Variants in CDH18 observed in about 807,000 individuals in gnomAD.
The protein encoded by CDH18 is cadherin 18, also known as cadherin-18.
CDH18 carries 31 observed loss-of-function variants against 67.9 expected under a neutral mutation model. The ratio of observed to expected loss-of-function variants is 0.46; its 90% CI spans 0.34 to 0.62. CDH18 has a LOEUF of 0.62. Ranked by LOEUF, CDH18 falls within the 20% of genes least tolerant of loss-of-function variation. The probability of loss-of-function intolerance (pLI) is 0.01; values close to 1 mark genes in which losing one functional copy is unlikely to be tolerated. For synonymous variants in CDH18, 362 were observed against 347.2 expected (o/e 1.04, Z -0.48); for missense variants, 890 against 975.5 (o/e 0.91, Z 1.17).
intron 1 of CDH18, among the ~76,000 whole-genome samples, chr5:20,416,158 G>T (rs760747213): frequency 2.6e-5 from 4 of 152,052 alleles, no homozygotes; most frequent in Non-Finnish European, 4.4e-5. Context: ...CAATAAAAAT[G>T]ATTAAATTCT....
intron 2 of CDH18, among the ~76,000 whole-genome samples, chr5:19,994,855 T>TATATATATATAGAGAGAGAGAGAGAGAG (rs760777430): frequency 1.5e-5 from 1 of 67,586 alleles, no homozygotes; most frequent in African/African-American, 7.4e-5. Flanking sequence ...TATATATATA[T>TATATATATATAGAGAGAGAGAGAGAGAG]AGAGAGAGAG....
intron 5 of CDH18, among the ~76,000 whole-genome samples, chr5:19,719,822 C>G (rs545904767): frequency 6.7e-6 from 1 of 149,598 alleles, no homozygotes; most frequent in East Asian, 2.0e-4. Flanking sequence ...TATATATGTT[C>G]TACGTTGTTT....
At chr5:20,478,514 T>G (rs1386350836) in intron 1 of CDH18, among the ~76,000 whole-genome samples, 1 of 151,544 alleles carries the variant, frequency 6.6e-6, no homozygotes, top group Admixed American at 6.6e-5. Context: ...GATAAAATCC[T>G]TCTGCATGAG....
intron 2 of CDH18, among the ~76,000 whole-genome samples, chr5:20,174,856 TTG>T (rs1305284797): frequency 6.6e-6 from 1 of 152,186 alleles, no homozygotes; most frequent in Middle Eastern, 3.2e-3. Flanking sequence ...CATATTTTTA[TTG>T]TGTTTTTACA....
chr5:20,400,634 C>T (rs369847173), intron 1 of CDH18, among the ~76,000 whole-genome samples: 11 of 150,372 alleles, frequency 7.3e-5, no homozygotes, highest in African/African-American at 1.5e-4. Flanking sequence ...TGGTGGCACA[C>T]GCCTGTAATC....
intron 1 of CDH18, among the ~76,000 whole-genome samples, chr5:20,353,856 A>C (rs528342921): frequency 1.2e-4 from 18 of 152,290 alleles, no homozygotes; most frequent in Admixed American, 3.9e-4. Context: ...TGAAGAATGG[A>C]AAGGAAACTA....
intron 1 of CDH18, among the ~76,000 whole-genome samples, chr5:20,418,583 T>G (rs1747547821): frequency 6.6e-6 from 1 of 152,002 alleles, no homozygotes; most frequent in Admixed American, 6.6e-5. Flanking sequence ...TATAGGTGGG[T>G]TTTTCAATTT....
chr5:19,973,680 C>G (rs1798237129), intron 2 of CDH18, among the ~76,000 whole-genome samples: 1 of 151,962 alleles, frequency 6.6e-6, no homozygotes, highest in Non-Finnish European at 1.5e-5. Flanking sequence ...AGAAGCTTAC[C>G]ATAAAAAATA....
chr5:19,607,689 C>T (rs1162277446), intron 6 of CDH18, among the ~76,000 whole-genome samples: 1 of 151,252 alleles, frequency 6.6e-6, no homozygotes, highest in South Asian at 2.1e-4. Context: ...ATTATAATGT[C>T]ATTTTAAACT....
chr5:20,376,091 A>ATTTTTTTTTTTTTTTTTTTTTGTTT (rs562655039), intron 1 of CDH18, among the ~76,000 whole-genome samples: 1 of 49,748 alleles, frequency 2.0e-5, no homozygotes, highest in African/African-American at 6.2e-5. Context: ...AAAAGAAACA[A>ATTTTTTTTTTTTTTTTTTTTTGTTT]TTTTTTTTTT....
At chr5:19,943,946 T>C (rs1404562168) in intron 2 of CDH18, among the ~76,000 whole-genome samples, 1 of 152,112 alleles carries the variant, frequency 6.6e-6, no homozygotes, top group Non-Finnish European at 1.5e-5. Context: ...TAGTTACATG[T>C]ATTCATTGTG....
chr5:19,673,768 C>T (rs961911806), intron 5 of CDH18, among the ~76,000 whole-genome samples: 9 of 151,972 alleles, frequency 5.9e-5, no homozygotes, highest in Admixed American at 3.3e-4. Flanking sequence ...ATTATAAACA[C>T]ATTTAATTCT....
intron 1 of CDH18, among the ~76,000 whole-genome samples, chr5:20,321,936 C>G (rs534656429): frequency 1.6e-4 from 24 of 152,192 alleles, no homozygotes; most frequent in African/African-American, 5.8e-4. Flanking sequence ...TTGCCCAAAG[C>G]CTACTTTTTC....
At chr5:19,938,609 T>G (rs966140585) in intron 2 of CDH18, among the ~76,000 whole-genome samples, 2 of 151,606 alleles carry the variant, frequency 1.3e-5, no homozygotes, top group Non-Finnish European at 3.0e-5. Flanking sequence ...TTCAATGTCA[T>G]GGCTAACTTT....
At chr5:19,992,324 CAG>C (rs1201709027), upstream of CDH18, among the ~76,000 whole-genome samples, 1 of 151,384 alleles carries the variant, frequency 6.6e-6, no homozygotes, top group East Asian at 1.9e-4. Context: ...TTCTGTAAAA[CAG>C]ATAATTGTTG....
intron 3 of CDH18, among the ~76,000 whole-genome samples, chr5:19,802,657 T>C (rs1179275224): frequency 1.3e-5 from 2 of 152,136 alleles, no homozygotes; most frequent in Non-Finnish European, 2.9e-5. Flanking sequence ...GAAAAATCAA[T>C]ACTCTATTGT....
chr5:20,037,427 C>T (rs1561736908), intron 2 of CDH18, among the ~76,000 whole-genome samples: 1 of 152,048 alleles, frequency 6.6e-6, no homozygotes, highest in Admixed American at 6.6e-5. Flanking sequence ...CCACATCACA[C>T]TTATTCTAAA....
At chr5:19,578,579 A>AAG (rs1158205470) in intron 7 of CDH18, among the ~76,000 whole-genome samples, 2 of 151,626 alleles carry the variant, frequency 1.3e-5, no homozygotes, top group Non-Finnish European at 2.9e-5. Context: ...ATCAGGTTTG[A>AAG]ATATATATTT....
chr5:19,834,823 G>A (rs1367402198), intron 3 of CDH18, among the ~76,000 whole-genome samples: 1 of 152,128 alleles, frequency 6.6e-6, no homozygotes, highest in East Asian at 1.9e-4. Context: ...AATTGAAATT[G>A]CATGATTTTG....
Sources: allele counts gnomAD v4.1 joint callset (sites outside exome capture counted in the v4.1 genomes callset), GRCh38; gene constraint gnomAD v4.1.1; transcripts MANE v1.5; gene names NCBI Gene and HGNC (gene_info 2026-07-23, HGNC 2026-07-21).